The following IKZF4 variants were observed in gnomAD, a reference collection of about 807,000 sequenced individuals.
IKZF4 encodes the protein zinc finger protein Eos.
In IKZF4, 11 loss-of-function variants were observed where a neutral mutation model predicts 47.7. The observed-to-expected ratio is 0.23, with a 90% CI of 0.15 to 0.38. The LOEUF is 0.38. Ranked by LOEUF, IKZF4 falls within the 10% of genes least tolerant of loss-of-function variation. The pLI, the probability that IKZF4 is intolerant of heterozygous loss-of-function variation, is 1.00. For missense variants in IKZF4, 557 were observed against 784.9 expected (o/e 0.71, Z 3.47); for synonymous variants, 298 against 299.4 (o/e 1.00, Z 0.05).
Position 56,021,462 on chromosome 12 carries a change from G to C in IKZF4, c.-32G>C, listed in dbSNP as rs898558484. ...ACGCTTCCTGGAAGGTGAGTGGCTG[G>C]GCTCACCCCTGCCTGCCACTGAGAC... On this transcript the variant is annotated 5_prime_UTR_variant, in exon 1 of 8. Coordinates refer to ENST00000547167, the MANE Select transcript of IKZF4 (RefSeq NM_022465.4). 22 of 1,572,878 alleles carry C rather than the reference G, an allele frequency of 1.4e-5. No individual in the cohort carries two copies. Among genetic ancestry groups the C allele is most frequent in the Non-Finnish European group, 1.9e-5 (22 of 1,160,544 alleles).
intron 4 of IKZF4, 46 bp from the exon 5 acceptor site, chr12:56,027,734 A>G: frequency 6.3e-7 from 1 of 1,590,962 alleles, no homozygotes. Flanking sequence ...TCAACCTTCA[A>G]AGTTCCTCAC....
chr12:56,028,003 G>C (rs548846369), intron 5 of IKZF4, 56 bp downstream of exon 5: 2 of 1,476,680 alleles, frequency 1.4e-6, no homozygotes, highest in Admixed American at 2.6e-5. Flanking sequence ...CCAGTATGTA[G>C]AGCTCAGTGA....
chr12:56,018,076 C>T, upstream of IKZF4: 1 of 1,182,656 alleles, frequency 8.5e-7, no homozygotes, highest in South Asian at 1.3e-5. Flanking sequence ...GAAAAGCCTC[C>T]TCCCTTCCCA....
upstream of IKZF4, chr12:56,018,107 C>A: frequency 2.3e-6 from 3 of 1,284,976 alleles, no homozygotes; most frequent in Non-Finnish European, 3.0e-6. Context: ...CTAATAGCAG[C>A]TATTTTCTTT....
chr12:56,024,920 A>C, intron 2 of IKZF4, 134 bp from the exon 3 acceptor site: 4 of 1,521,996 alleles, frequency 2.6e-6, no homozygotes, highest in Non-Finnish European at 3.5e-6. Context: ...GGTGCCCAGC[A>C]TACAACACTG....
At chr12:56,021,020 A>ATC (rs144352403), upstream of IKZF4, 113 of 783,776 alleles carry the variant, frequency 1.4e-4, no homozygotes, top group South Asian at 2.3e-4. Context: ...AGGCCCATCC[A>ATC]TCTCTCTCTC....
intron 1 of IKZF4, chr12:56,011,336 T>G (rs1891303927): frequency 6.6e-6 from 1 of 152,226 alleles, no homozygotes; most frequent in African/African-American, 2.4e-5. Flanking sequence ...CTTAGTTCCT[T>G]ATGTCCTGAA....
chr12:56,023,596 G>A, intron 1 of IKZF4, 75 bp from the exon 2 acceptor site: 1 of 1,519,142 alleles, frequency 6.6e-7, no homozygotes, highest in Non-Finnish European at 8.9e-7. Context: ...TGGGGAAAAT[G>A]GGACTTTAGG....
upstream of IKZF4, chr12:56,021,020 AT>A: frequency 1.3e-6 from 1 of 787,104 alleles, no homozygotes; most frequent in Non-Finnish European, 1.5e-6. Flanking sequence ...AGGCCCATCC[AT>A]CTCTCTCTCT....
chr12:56,016,276 T>A (rs1336490465), upstream of IKZF4, among the ~76,000 whole-genome samples: 1 of 151,908 alleles, frequency 6.6e-6, no homozygotes, highest in Non-Finnish European at 1.5e-5. Flanking sequence ...TCTTTATCCA[T>A]CTGCCTCAGT....
Position 56,021,099 on chromosome 12 carries a change from G to A in IKZF4, c.-395G>A, listed in dbSNP as rs992929215. 1.3e-5 allele frequency: 17 copies of A among 1,335,282 alleles called. No individual in the cohort carries two copies. Among genetic ancestry groups the A allele is most frequent in the Admixed American group, 1.0e-4 (3 of 29,250 alleles). The allele number at this position is 1,335,282 out of a possible 1,614,324, so 82.7% of individuals were successfully genotyped here. A position where few individuals can be genotyped will look rare whatever the true frequency, so the allele number is the denominator to read the frequency against. ...CAGTTCCTCTTTGTCTGCTGGGCAC[G>A]AGGGGCAACAGCATCTGCCTTTCCC... On this transcript the variant is annotated 5_prime_UTR_variant, in exon 1 of 8. Coordinates refer to ENST00000547167, the MANE Select transcript of IKZF4 (RefSeq NM_022465.4).
chr12:56,021,916 G>T, intron 1 of IKZF4: 1 of 358,056 alleles, frequency 2.8e-6, no homozygotes, highest in Non-Finnish European at 5.2e-6. Context: ...AGGGGTAGTG[G>T]AGAAAATCAA....
chr12:56,018,507 T>C (rs536941876), upstream of IKZF4, among the ~76,000 whole-genome samples: 2 of 152,264 alleles, frequency 1.3e-5, no homozygotes, highest in African/African-American at 4.8e-5. Flanking sequence ...CAGCCAAACA[T>C]GAAATCCTGT....
chr12:56,026,735 T>TTCC (rs764591210), intron 3 of IKZF4, 46 bp from the exon 4 acceptor site: 99 of 1,413,546 alleles, frequency 7.0e-5, no homozygotes, highest in Non-Finnish European at 8.7e-5. Context: ...TGGGAGCAGC[T>TTCC]TCCCCCTTTG....
At chr12:56,019,494 C>A, upstream of IKZF4, 1 of 292,972 alleles carries the variant, frequency 3.4e-6, no homozygotes, top group Non-Finnish European at 5.1e-6. Context: ...ATATCTGCCA[C>A]ATGCTTGACA....
rs1895678385 is a variant in IKZF4, at chr12:56,036,946, GTTGTAACTCT to G, written c.*1617_*1626del. 1 of 151,944 alleles carries G rather than the reference GTTGTAACTCT, an allele frequency of 6.6e-6. No individual in the cohort carries two copies. Among genetic ancestry groups the G allele is most frequent in the Non-Finnish European group, 1.5e-5 (1 of 67,992 alleles). 9.4% of individuals were successfully genotyped at this position (151,944 alleles called of 1,614,324 possible). On this transcript the variant is annotated 3_prime_UTR_variant, in exon 8 of 8. Coordinates refer to ENST00000547167, the MANE Select transcript of IKZF4 (RefSeq NM_022465.4). ...AAAAACCAAACACAACACCTCACAA[GTTGTAACTCT>G]TGGTCCTTCTCTCTCTCCTTTTCTC... is the stretch of plus-strand genomic sequence containing the variant.
rs573245381 is a variant in IKZF4 at position 56,032,076 on chromosome 12, C to A, written c.716-485C>A. On this transcript the variant is annotated intron_variant, in intron 5 of 7. Transcript: ENST00000547167. ...TCTAAGGGCTCTCATTTCTGTCATG[C>A]CAGCCCACCAGTTTCCCCCAAACCA... is the stretch of plus-strand genomic sequence containing the variant. 3.9e-5 allele frequency among the ~76,000 whole-genome samples: 6 copies of A among 152,214 alleles called. No individual in the cohort carries two copies. The South Asian group carries it at 6.2e-4, about 16-fold the overall frequency.
intron 5 of IKZF4, among the ~76,000 whole-genome samples, chr12:56,031,637 G>C (rs12314407): frequency 1.1e-3 from 165 of 152,302 alleles, no homozygotes; most frequent in African/African-American, 3.8e-3. Flanking sequence ...CTGTCTCCCT[G>C]CTCAATAGCA....
rs762168888 is a variant in IKZF4 at position 56,021,541 on chromosome 12, C to A, written c.48C>A (p.Arg16=). ...ALPRRFQGGG[R]VRTPGSHRQG... is the part of the protein sequence containing the mutation. ...CTCGCCGTTTCCAAGGCGGCGGCCG[C>A]GTTCGCACCCCAGGGTCTCACCGGC... The change falls in exon 1 of 8, where the codon CGC becomes CGA. Residue 16 remains arginine (R), a synonymous_variant. Coordinates refer to ENST00000547167, the MANE Select transcript of IKZF4 (RefSeq NM_022465.4). 7 of 1,609,226 alleles carry A rather than the reference C, an allele frequency of 4.3e-6. No individual in the cohort carries two copies. In the Admixed American group the frequency reaches 1.2e-4, roughly 27 times the overall value.
Sources: gnomAD v4.1 joint callset for allele counts (sites outside exome capture counted in the v4.1 genomes callset) on GRCh38, gnomAD v4.1.1 for gene constraint, MANE v1.5 for transcripts, NCBI Gene and HGNC (gene_info 2026-07-23, HGNC 2026-07-21) for gene names.